The following SLC2A13 variants were observed in gnomAD, a reference collection of about 807,000 sequenced individuals.
The protein encoded by SLC2A13 is proton myo-inositol cotransporter.
SLC2A13 carries 32 observed loss-of-function variants against 64.4 expected under a neutral mutation model. That is an observed-to-expected ratio of 0.50 (90% CI 0.37 to 0.67). SLC2A13 has a LOEUF of 0.67. SLC2A13 is among the 30% of genes least tolerant of loss of function. The pLI is 0.00. For synonymous variants in SLC2A13, 338 were observed against 327.1 expected (o/e 1.03, Z -0.36); for missense variants, 743 against 829.2 (o/e 0.90, Z 1.28).
At chr12:40,104,864 G>A (rs1454474922) in intron 1 of SLC2A13, among the ~76,000 whole-genome samples, 1 of 152,172 alleles carries the variant, frequency 6.6e-6, no homozygotes, top group Non-Finnish European at 1.5e-5. Context: ...AGGCAAGGTG[G>A]GACAGTGCAG....
At chr12:39,940,109 G>A (rs542274176) in intron 4 of SLC2A13, among the ~76,000 whole-genome samples, 29 of 152,140 alleles carry the variant, frequency 1.9e-4, no homozygotes, top group East Asian at 5.8e-4. Context: ...CAATGAACAC[G>A]AATGAGTACA....
rs1428194364 is a variant in SLC2A13 at position 40,028,512 on chromosome 12, G to A, written c.717-3C>T. The A allele has an allele frequency of 1.2e-6, 2 of 1,609,596 alleles. No homozygotes were observed. Among genetic ancestry groups the A allele is most frequent in the South Asian group, 2.2e-5 (2 of 90,236 alleles). ...CTGCTGCAAGTCCCAACATGTACCTGCAAAGAAAAAAAATCCACATTTACT... is the reference window on the plus strand; with the variant it reads ...CTGCTGCAAGTCCCAACATGTACCTACAAAGAAAAAAAATCCACATTTACT... On this transcript the variant is annotated splice_region_variant and splice_polypyrimidine_tract_variant and intron_variant, in intron 2 of 9. Coordinates refer to ENST00000280871, the MANE Select transcript of SLC2A13 (RefSeq NM_052885.4).
chr12:39,976,615 C>A (rs1254066155), intron 3 of SLC2A13, among the ~76,000 whole-genome samples: 1 of 151,700 alleles, frequency 6.6e-6, no homozygotes, highest in East Asian at 1.9e-4. Flanking sequence ...TCAGGTTGGT[C>A]TTGAACACCT....
At chr12:40,037,444 C>A (rs1948008943) in intron 2 of SLC2A13, among the ~76,000 whole-genome samples, 2 of 151,786 alleles carry the variant, frequency 1.3e-5, no homozygotes, top group Non-Finnish European at 2.9e-5. Context: ...CAAGGTAAAA[C>A]CTCATCTCTA....
At chr12:39,988,683 GAGGGAGGGAGGAAGGAAGGA>G (rs1251135185) in intron 3 of SLC2A13, among the ~76,000 whole-genome samples, 4 of 95,686 alleles carry the variant, frequency 4.2e-5, no homozygotes, top group Admixed American at 1.1e-4. Context: ...GGGAAGAAGG[GAGGGAGGGAGGAAGGAAGGA>G]AGGAAGGAAG....
intron 9 of SLC2A13, among the ~76,000 whole-genome samples, chr12:39,762,715 C>T (rs1056107245): frequency 6.6e-6 from 1 of 151,916 alleles, no homozygotes; most frequent in Non-Finnish European, 1.5e-5. Flanking sequence ...CTTACATAAA[C>T]CAGTAACATG....
At chr12:39,991,874 A>G (rs897178098) in intron 3 of SLC2A13, among the ~76,000 whole-genome samples, 1 of 152,100 alleles carries the variant, frequency 6.6e-6, no homozygotes, top group Non-Finnish European at 1.5e-5. Flanking sequence ...AAGCTTTTAT[A>G]GCTCACCCAT....
At chr12:39,816,143 T>C (rs1942333180) in intron 7 of SLC2A13, among the ~76,000 whole-genome samples, 1 of 152,202 alleles carries the variant, frequency 6.6e-6, no homozygotes, top group Non-Finnish European at 1.5e-5. Context: ...TATTCCTTTT[T>C]AAGTTTTGTG....
intron 3 of SLC2A13, among the ~76,000 whole-genome samples, chr12:39,955,560 A>C (rs12317250): frequency 0.016 from 2,378 of 152,270 alleles, 56 homozygotes; most frequent in African/African-American, 0.053. Context: ...ATGCCAAGCT[A>C]TGGTAGGCTA....
intron 3 of SLC2A13, among the ~76,000 whole-genome samples, chr12:40,013,601 C>T (rs1299033661): frequency 6.6e-6 from 1 of 152,110 alleles, no homozygotes; most frequent in Non-Finnish European, 1.5e-5. Context: ...AAAGCTGAGC[C>T]CACTATATGA....
chr12:39,789,136 T>C (rs193096529), intron 7 of SLC2A13, among the ~76,000 whole-genome samples: 92 of 152,270 alleles, frequency 6.0e-4, no homozygotes, highest in Non-Finnish European at 2.9e-4. Flanking sequence ...TTAGAAGCTC[T>C]CTGTGAACCA....
intron 4 of SLC2A13, among the ~76,000 whole-genome samples, chr12:39,924,270 C>A (rs756670842): frequency 6.6e-6 from 1 of 151,978 alleles, no homozygotes; most frequent in Non-Finnish European, 1.5e-5. Flanking sequence ...AAGAGATACA[C>A]AGGTTGTTGT....
At chr12:39,916,206 G>T (rs957622187) in intron 4 of SLC2A13, among the ~76,000 whole-genome samples, 3 of 151,786 alleles carry the variant, frequency 2.0e-5, no homozygotes. Flanking sequence ...GTTCCATGAT[G>T]TCACAGATAC....
chr12:39,949,313 C>T (rs1473807790), intron 4 of SLC2A13, among the ~76,000 whole-genome samples: 1 of 152,174 alleles, frequency 6.6e-6, no homozygotes, highest in Non-Finnish European at 1.5e-5. Flanking sequence ...GTTCAGCCAT[C>T]ATTTACTTTA....
chr12:39,867,215 G>A (rs1424472861), intron 5 of SLC2A13, among the ~76,000 whole-genome samples: 4 of 152,072 alleles, frequency 2.6e-5, no homozygotes, highest in African/African-American at 7.2e-5. Context: ...CCATGCAACA[G>A]GTAAGATTTT....
intron 6 of SLC2A13, among the ~76,000 whole-genome samples, chr12:39,840,179 G>A (rs1041639036): frequency 3.3e-5 from 5 of 151,900 alleles, no homozygotes; most frequent in Admixed American, 6.6e-5. Context: ...TTACAGGCAC[G>A]TGCAACCATG....
chr12:39,931,837 A>G (rs1945830439), intron 4 of SLC2A13, among the ~76,000 whole-genome samples: 1 of 152,160 alleles, frequency 6.6e-6, no homozygotes. Flanking sequence ...GTAAATAAAT[A>G]TCCAAATTTA....
chr12:39,917,053 T>C (rs1211615245), intron 4 of SLC2A13, among the ~76,000 whole-genome samples: 1 of 152,064 alleles, frequency 6.6e-6, no homozygotes, highest in Non-Finnish European at 1.5e-5. Flanking sequence ...TATATATCAT[T>C]CACTATGCTG....
intron 7 of SLC2A13, among the ~76,000 whole-genome samples, chr12:39,772,324 T>G (rs543975318): frequency 8.0e-4 from 122 of 152,276 alleles, no homozygotes; most frequent in Non-Finnish European, 1.4e-3. Flanking sequence ...CATATAGGGT[T>G]GTTACAAAGA....
Sources: allele counts gnomAD v4.1 joint callset (sites outside exome capture counted in the v4.1 genomes callset), GRCh38; gene constraint gnomAD v4.1.1; transcripts MANE v1.5; gene names NCBI Gene and HGNC (gene_info 2026-07-23, HGNC 2026-07-21).